Variants in SULT6B1 observed in about 807,000 individuals in gnomAD.
SULT6B1 encodes sulfotransferase 6B1.
A neutral mutation model predicts 37.2 loss-of-function variants in SULT6B1; 44 were observed. The ratio of observed to expected loss-of-function variants is 1.18; its 90% CI spans 0.93 to 1.52. The LOEUF (loss-of-function observed/expected upper bound fraction) is 1.52. Among genes scored for constraint, SULT6B1 ranks in the 40% most tolerant of loss-of-function variants. SULT6B1 has a pLI of 0.00. For missense variants in SULT6B1, 450 were observed against 361.0 expected (o/e 1.25, Z -2.00); for synonymous variants, 140 against 126.0 (o/e 1.11, Z -0.74).
chr2:37,171,382 T>C, intron 6 of SULT6B1, 52 bp downstream of exon 6: 1 of 1,577,186 alleles, frequency 6.3e-7, no homozygotes, highest in Non-Finnish European at 8.6e-7. Flanking sequence ...ACCTGTTGTG[T>C]GCAAAGTCAG....
chr2:37,186,760 C>G (rs1054835098), intron 2 of SULT6B1, among the ~76,000 whole-genome samples: 2 of 152,002 alleles, frequency 1.3e-5, no homozygotes, highest in Non-Finnish European at 2.9e-5. Context: ...ACCAGGTGTA[C>G]TGGCACGTGC....
intron 5 of SULT6B1, among the ~76,000 whole-genome samples, chr2:37,174,479 T>C (rs557813945): frequency 6.6e-6 from 1 of 152,080 alleles, no homozygotes; most frequent in Non-Finnish European, 1.5e-5. Flanking sequence ...ATTGTAGGCA[T>C]GAACCACCAC....
At position 37,179,379 on chromosome 2, in the gene SULT6B1, A is replaced by G. The variant is rs1049068082; in HGVS notation, c.529+79T>C. On this transcript the variant is annotated intron_variant, in intron 4 of 6. Coordinates refer to ENST00000535679, the MANE Select transcript of SULT6B1 (RefSeq NM_001367551.1). ...AGATCTACCTAAATCTTCTTCCTTT[A>G]CCCTAAAACACATTTGGGTTTTCAC... is the stretch of plus-strand genomic sequence containing the variant. The G allele has an allele frequency of 1.9e-6, 3 of 1,568,748 alleles. No homozygotes were observed. In the African/African-American group the frequency reaches 4.1e-5, roughly 21 times the overall value.
chr2:37,175,259 G>A lies in SULT6B1; in HGVS notation c.530-33C>T, dbSNP rs778483426. The A allele has an allele frequency of 4.0e-6, 5 of 1,257,902 alleles. No homozygotes were observed. The South Asian group carries it at 5.5e-5, about 14-fold the overall frequency. 77.9% of individuals were successfully genotyped at this position (1,257,902 alleles called of 1,614,324 possible). On this transcript the variant is annotated intron_variant, in intron 4 of 6. Coordinates refer to ENST00000535679, the MANE Select transcript of SULT6B1 (RefSeq NM_001367551.1). Reference sequence around the variant, plus strand: ...CACAGGGGGGAAGACTTTAAGAAATGTCAAATAACTGAGGTTAAAATGATC... The same window carrying A: ...CACAGGGGGGAAGACTTTAAGAAATATCAAATAACTGAGGTTAAAATGATC...
At position 37,183,429 on chromosome 2, in the gene SULT6B1, G is replaced by C; in HGVS notation, c.398C>G (p.Ala133Gly). 1 of 1,613,144 alleles carries C rather than the reference G, an allele frequency of 6.2e-7. No homozygotes were observed. The change falls in exon 3 of 7, where the codon GCC becomes GGC. Residue 133 changes from alanine (A) to glycine (G), a missense_variant. Ala to Gly is a moderately conservative substitution (Grantham distance 60). Coordinates refer to ENST00000535679, the MANE Select transcript of SULT6B1 (RefSeq NM_001367551.1). Reference protein sequence around the residue: ...KLPGSIFENKAKILVIFRNPK... With the variant: ...KLPGSIFENKGKILVIFRNPK... ...TCAGTAGGAAAGGACACTCACCTTGGCTTTATTCTCGAAGATAGACCCAGG... is the reference window on the plus strand; with the variant it reads ...TCAGTAGGAAAGGACACTCACCTTGCCTTTATTCTCGAAGATAGACCCAGG...
chr2:37,191,071 C>T (rs983562743), upstream of SULT6B1: 1 of 151,792 alleles, frequency 6.6e-6, no homozygotes, highest in African/African-American at 2.4e-5. Context: ...GCTGGGGTTC[C>T]TGGTTACAAT....
At chr2:37,182,457 A>T (rs138493352) in intron 3 of SULT6B1, among the ~76,000 whole-genome samples, 62 of 152,180 alleles carry the variant, frequency 4.1e-4, no homozygotes, top group African/African-American at 1.2e-3. Flanking sequence ...GGGTTTTGCC[A>T]TTAAAAGTAA....
intron 4 of SULT6B1, among the ~76,000 whole-genome samples, chr2:37,176,946 A>AT (rs746388238): frequency 1.3e-5 from 2 of 152,242 alleles, no homozygotes; most frequent in Non-Finnish European, 2.9e-5. Context: ...AAAGGTGATG[A>AT]TTGGAAGGAT....
At chr2:37,173,914 T>C (rs1272463567) in intron 5 of SULT6B1, among the ~76,000 whole-genome samples, 1 of 152,152 alleles carries the variant, frequency 6.6e-6, no homozygotes, top group Non-Finnish European at 1.5e-5. Context: ...ACACATCTGC[T>C]CCAATCACTC....
At chr2:37,174,227 CTTTT>C (rs35100458) in intron 5 of SULT6B1, among the ~76,000 whole-genome samples, 132 of 58,490 alleles carry the variant, frequency 2.3e-3, no homozygotes, top group Middle Eastern at 0.012. Context: ...TCTTCCTATT[CTTTT>C]TTTTTTTTTT....
chr2:37,169,605 C>G (rs138571717), intron 6 of SULT6B1, among the ~76,000 whole-genome samples: 2,313 of 152,262 alleles, frequency 0.015, 29 homozygotes, highest in South Asian at 0.051. Flanking sequence ...TTCTCTGACT[C>G]AGCCTCCCAA....
In SULT6B1 at chr2:37,175,117, C is replaced by G; in HGVS notation, c.624+15G>C. The G allele has an allele frequency of 6.8e-7, 1 of 1,480,382 alleles. No individual in the cohort carries two copies. The highest frequency in any genetic ancestry group is 1.4e-5 in the South Asian group (1 of 73,750). The allele number at this position is 1,480,382 out of a possible 1,614,324, so 91.7% of individuals were successfully genotyped here. A position where few individuals can be genotyped will look rare whatever the true frequency, so the allele number is the denominator to read the frequency against. ...TACAATAAATTTTGCTCTAAAATATCAATAATAATCTCACCTCTTTCAGGT... is the reference window on the plus strand; with the variant it reads ...TACAATAAATTTTGCTCTAAAATATGAATAATAATCTCACCTCTTTCAGGT... On this transcript the variant is annotated intron_variant, in intron 5 of 6. Coordinates refer to ENST00000535679, the MANE Select transcript of SULT6B1 (RefSeq NM_001367551.1).
At chr2:37,182,692 G>T (rs763100866) in intron 3 of SULT6B1, among the ~76,000 whole-genome samples, 8 of 151,974 alleles carry the variant, frequency 5.3e-5, no homozygotes, top group Non-Finnish European at 8.8e-5. Flanking sequence ...CAGAAAAAAG[G>T]CACCAAGAAA....
Position 37,167,985 on chromosome 2 carries a change from C to T in SULT6B1, c.862G>A (p.Gly288Ser). Reference sequence around the variant, plus strand: ...TTCAACTTTGCTCCGAGGGAGGTGCCTGCTAAGCACTCTTTGAATTTTTCA... The same window carrying T: ...TTCAACTTTGCTCCGAGGGAGGTGCTTGCTAAGCACTCTTTGAATTTTTCA... ...MDEKFKECLA[G>S]TSLGAKLKYE... is the part of the protein sequence containing the mutation. Residue 288 changes from glycine to serine, a missense_variant, in exon 7 of 7, where the codon GGC (glycine) becomes AGC (serine). Physicochemically the swap from Gly to Ser is moderately conservative, Grantham distance 56. Transcript: ENST00000535679. 6.3e-7 allele frequency: 1 copy of T among 1,599,800 alleles called. No individual in the cohort carries two copies. The highest frequency in any genetic ancestry group is 8.5e-7 in the Non-Finnish European group (1 of 1,176,706).
intron 6 of SULT6B1, 107 bp downstream of exon 6, chr2:37,171,327 A>G (rs1412815121): frequency 7.3e-6 from 10 of 1,364,726 alleles, no homozygotes; most frequent in Non-Finnish European, 1.0e-5. Context: ...ACTGAGGCGG[A>G]GAAAAATAAA....
In SULT6B1 at chr2:37,175,236, CAG is replaced by C; in HGVS notation, c.530-12_530-11del. 1 of 1,514,486 alleles carries C rather than the reference CAG, an allele frequency of 6.6e-7. No individual in the cohort carries two copies. The highest frequency in any genetic ancestry group is 9.0e-7 in the Non-Finnish European group (1 of 1,109,112). 93.8% of individuals were successfully genotyped at this position (1,514,486 alleles called of 1,614,324 possible). A position where few individuals can be genotyped will look rare whatever the true frequency, so the allele number is the denominator to read the frequency against. On this transcript the variant is annotated splice_polypyrimidine_tract_variant and intron_variant, in intron 4 of 6. Coordinates refer to ENST00000535679, the MANE Select transcript of SULT6B1 (RefSeq NM_001367551.1). The stretch of plus-strand genomic sequence containing the variant: ...TACCTTCCCCAAGAAACTAAAAACA[CAG>C]GGGGGAAGACTTTAAGAAATGTCAA...
upstream of SULT6B1, among the ~76,000 whole-genome samples, chr2:37,190,826 T>G (rs1391399460): frequency 6.6e-6 from 1 of 152,168 alleles, no homozygotes; most frequent in Non-Finnish European, 1.5e-5. Flanking sequence ...TGGCTGGCAT[T>G]ATCTTGATTT....
chr2:37,185,623 C>A (rs926329255), intron 2 of SULT6B1, among the ~76,000 whole-genome samples: 1 of 147,018 alleles, frequency 6.8e-6, no homozygotes, highest in African/African-American at 2.5e-5. Context: ...GAGGCTGAGG[C>A]AGGAGAATTG....
At chr2:37,179,606 AATTT>A in intron 3 of SULT6B1, 22 bp from the exon 4 acceptor site, 1 of 1,606,822 alleles carries the variant, frequency 6.2e-7, no homozygotes, top group Non-Finnish European at 8.5e-7. Flanking sequence ...AAATTGAGTT[AATTT>A]ATTTGGGTCT....
Sources: gnomAD v4.1 joint callset for allele counts (sites outside exome capture counted in the v4.1 genomes callset) on GRCh38, gnomAD v4.1.1 for gene constraint, MANE v1.5 for transcripts, NCBI Gene and HGNC (gene_info 2026-07-23, HGNC 2026-07-21) for gene names.